Variants in COL11A1 observed in about 807,000 individuals in gnomAD.
COL11A1 encodes the protein collagen alpha-1(XI) chain.
A neutral mutation model predicts 265.2 loss-of-function variants in COL11A1; 74 were observed. That is an observed-to-expected ratio of 0.28 (90% CI 0.23 to 0.34). The LOEUF (loss-of-function observed/expected upper bound fraction) is 0.34. Ranked by LOEUF, COL11A1 falls within the 10% of genes least tolerant of loss-of-function variation. The probability of loss-of-function intolerance (pLI) is 1.00; values close to 1 mark genes in which losing one functional copy is unlikely to be tolerated. For missense variants in COL11A1, 2,165 were observed against 2,263.6 expected, an observed-to-expected ratio of 0.96 and a Z score of 0.88; for synonymous variants, 816 against 727.6, an observed-to-expected ratio of 1.12 and a Z score of -1.96.
chr1:103,004,534 T>C (rs1315724262), intron 19 of COL11A1, 46 bp from the exon 20 acceptor site: 3 of 1,593,128 alleles, frequency 1.9e-6, no homozygotes, highest in African/African-American at 2.7e-5. Flanking sequence ...TTGGACAATG[T>C]ATCATTTCAA....
chr1:102,985,080 T>G (rs1218450354), intron 30 of COL11A1, among the ~76,000 whole-genome samples: 1 of 152,002 alleles, frequency 6.6e-6, no homozygotes, highest in Non-Finnish European at 1.5e-5. Context: ...ATGTGGAATT[T>G]TACTGTGCAT....
At chr1:103,067,891 A>G (rs1453343125) in intron 4 of COL11A1, among the ~76,000 whole-genome samples, 1 of 151,720 alleles carries the variant, frequency 6.6e-6, no homozygotes, top group Non-Finnish European at 1.5e-5. Context: ...TAACATGATC[A>G]ACACAAGAAG....
At chr1:102,884,940 G>C (rs1650775662) in intron 63 of COL11A1, among the ~76,000 whole-genome samples, 1 of 152,088 alleles carries the variant, frequency 6.6e-6, no homozygotes. Context: ...CCACCTTTCT[G>C]TGTAACAGCT....
chr1:103,053,925 A>T (rs766761493), intron 4 of COL11A1, among the ~76,000 whole-genome samples: 2 of 152,316 alleles, frequency 1.3e-5, no homozygotes, highest in East Asian at 3.9e-4. Flanking sequence ...GAACAACTGC[A>T]TATATTGTTC....
intron 41 of COL11A1, among the ~76,000 whole-genome samples, chr1:102,956,885 A>G (rs543036558): frequency 1.6e-4 from 25 of 151,820 alleles, no homozygotes; most frequent in Non-Finnish European, 3.7e-4. Flanking sequence ...TGACTAAAAA[A>G]AAAACCAAGT....
intron 63 of COL11A1, 94 bp downstream of exon 63, chr1:102,886,713 G>A (rs956530446): frequency 6.8e-7 from 1 of 1,478,690 alleles, no homozygotes; most frequent in Non-Finnish European, 9.5e-7. Context: ...TTTAGAGACT[G>A]TATTAAACAT....
In COL11A1 at chr1:103,014,701, A is replaced by G. The variant is rs533188000; in HGVS notation, c.1489-107T>C. 15 of 866,520 alleles carry G rather than the reference A, an allele frequency of 1.7e-5. No individual in the cohort carries two copies. The Admixed American group carries it at 2.4e-4, about 14-fold the overall frequency. The allele number at this position is 866,520 out of a possible 1,614,324, so 53.7% of individuals were successfully genotyped here. A position where few individuals can be genotyped will look rare whatever the true frequency, so the allele number is the denominator to read the frequency against. Reference sequence around the variant, plus strand: ...CCACTTATTAAAATGGTGGGATTTTACAAAATTACAAAGTAACTCCGTAAT... The same window carrying G: ...CCACTTATTAAAATGGTGGGATTTTGCAAAATTACAAAGTAACTCCGTAAT... On this transcript the variant is annotated intron_variant, in intron 12 of 66. Transcript: ENST00000370096.
intron 2 of COL11A1, among the ~76,000 whole-genome samples, chr1:103,081,851 C>T (rs1672439218): frequency 6.6e-6 from 1 of 151,898 alleles, no homozygotes; most frequent in Non-Finnish European, 1.5e-5. Flanking sequence ...ATATATAGAG[C>T]AGAACAGACC....
At chr1:102,961,387 T>A (rs1332038082) in intron 41 of COL11A1, among the ~76,000 whole-genome samples, 1 of 152,164 alleles carries the variant, frequency 6.6e-6, no homozygotes, top group Non-Finnish European at 1.5e-5. Flanking sequence ...TATGCTTATG[T>A]TTTTTGTATC....
chr1:102,918,943 G>A (rs1655663017), intron 49 of COL11A1, among the ~76,000 whole-genome samples: 1 of 151,982 alleles, frequency 6.6e-6, no homozygotes, highest in African/African-American at 2.4e-5. Flanking sequence ...GCCGATAAAA[G>A]CTAATAATCC....
chr1:102,921,487 A>G, intron 48 of COL11A1, 31 bp downstream of exon 48: 1 of 1,573,614 alleles, frequency 6.4e-7, no homozygotes, highest in Non-Finnish European at 8.7e-7. Flanking sequence ...TATAACTTCA[A>G]AATAATTAAC....
rs578170808 is a variant in COL11A1 at position 102,884,643 on chromosome 1, T to C, written c.4859-1332A>G. On this transcript the variant is annotated intron_variant, in intron 63 of 66. Coordinates refer to ENST00000370096, the MANE Select transcript of COL11A1 (RefSeq NM_001854.4). ...ATGCGCACAGCTCCAGGAAACAAAA[T>C]GTGTGTGTGGCCCCTCCCAAGTGCT... The C allele has an allele frequency of 3.9e-5, 6 of 152,272 alleles. No individual in the cohort carries two copies. The East Asian group carries it at 5.8e-4, about 15-fold the overall frequency. The allele number at this position is 152,272 out of a possible 1,614,324, so 9.4% of individuals were successfully genotyped here. A position where few individuals can be genotyped will look rare whatever the true frequency, so the allele number is the denominator to read the frequency against.
intron 4 of COL11A1, among the ~76,000 whole-genome samples, chr1:103,066,499 T>C (rs1473142252): frequency 7.6e-6 from 1 of 132,354 alleles, no homozygotes; most frequent in African/African-American, 2.9e-5. Context: ...ATAGCAAAAA[T>C]CCAATAAGTA....
At position 103,050,394 on chromosome 1, in the gene COL11A1, G is replaced by A. The variant is rs186902560; in HGVS notation, c.652-19150C>T. 1.2e-4 allele frequency among the ~76,000 whole-genome samples: 18 copies of A among 151,994 alleles called. No homozygotes were observed. The East Asian group carries it at 2.3e-3, about 20-fold the overall frequency. On this transcript the variant is annotated intron_variant, in intron 4 of 66. Coordinates refer to ENST00000370096, the MANE Select transcript of COL11A1 (RefSeq NM_001854.4). ...ACCCTTTCTTCCAGTTGATCGCATC[G>A]GCTACTGAGGATTCTGCATTCATCA...
chr1:102,931,207 C>T (rs1244463652), intron 46 of COL11A1, among the ~76,000 whole-genome samples: 6 of 149,282 alleles, frequency 4.0e-5, no homozygotes, highest in Non-Finnish European at 7.4e-5. Context: ...TTGGATCTTT[C>T]CTGCTTTCTC....
intron 2 of COL11A1, among the ~76,000 whole-genome samples, chr1:103,080,304 C>G (rs1672303355): frequency 6.6e-6 from 1 of 151,730 alleles, no homozygotes; most frequent in East Asian, 1.9e-4. Context: ...CAAATCCCAG[C>G]CCTACCACAT....
intron 54 of COL11A1, among the ~76,000 whole-genome samples, chr1:102,904,597 T>G (rs1053147427): frequency 6.6e-6 from 1 of 151,748 alleles, no homozygotes; most frequent in South Asian, 2.1e-4. Context: ...AAGAAGATAT[T>G]TATGCAGCCA....
intron 23 of COL11A1, 106 bp downstream of exon 23, chr1:103,002,322 A>G: frequency 9.7e-7 from 1 of 1,034,868 alleles, no homozygotes; most frequent in East Asian, 2.6e-5. Flanking sequence ...TCACATTTTA[A>G]ATATTGCTAG....
intron 18 of COL11A1, among the ~76,000 whole-genome samples, chr1:103,005,190 AT>A: frequency 6.6e-6 from 1 of 151,970 alleles, no homozygotes; most frequent in East Asian, 1.9e-4. Flanking sequence ...TCCTTTTACT[AT>A]TTTTTTCTTC....
Sources: allele counts gnomAD v4.1 joint callset (sites outside exome capture counted in the v4.1 genomes callset), GRCh38; gene constraint gnomAD v4.1.1; transcripts MANE v1.5; gene names NCBI Gene and HGNC (gene_info 2026-07-23, HGNC 2026-07-21).